Variants in MUC13 observed in about 807,000 individuals in gnomAD.
MUC13 encodes mucin-13.
MUC13 carries 32 observed loss-of-function variants against 48.3 expected under a neutral mutation model. That is an observed-to-expected ratio of 0.66 (90% CI 0.50 to 0.89). The LOEUF (loss-of-function observed/expected upper bound fraction) is 0.89, where lower values mean the gene tolerates loss of function less well. MUC13 is among the 40% of genes least tolerant of loss of function. MUC13 has a pLI of 0.00. For synonymous variants in MUC13, 199 were observed against 224.9 expected, an observed-to-expected ratio of 0.88 and a Z score of 1.03; for missense variants, 571 against 622.8, an observed-to-expected ratio of 0.92 and a Z score of 0.88.
intron 3 of MUC13, 118 bp from the exon 4 acceptor site, chr3:124,922,421 A>G (rs1230235115): frequency 7.8e-7 from 1 of 1,276,544 alleles, no homozygotes; most frequent in African/African-American, 1.5e-5. Flanking sequence ...CACTACAGGA[A>G]ATCTGGAAAT....
In MUC13 at chr3:124,913,377, G is replaced by A. The variant is rs532693289; in HGVS notation, c.1085-137C>T. ...GATGCTTATTGACTCCACACATGAT[G>A]TGCCCCCTGTGAAGCTGGACATGGG... On this transcript the variant is annotated intron_variant, in intron 7 of 11. Coordinates refer to ENST00000616727, the MANE Select transcript of MUC13 (RefSeq NM_033049.4). 3.1e-5 allele frequency: 44 copies of A among 1,437,832 alleles called. No homozygotes were observed. The African/African-American group carries it at 5.8e-4, about 19-fold the overall frequency. 89.1% of individuals were successfully genotyped at this position (1,437,832 alleles called of 1,614,324 possible). A position where few individuals can be genotyped will look rare whatever the true frequency, so the allele number is the denominator to read the frequency against.
chr3:124,915,236 T>C (rs1028316916), intron 6 of MUC13, among the ~76,000 whole-genome samples: 3 of 152,178 alleles, frequency 2.0e-5, no homozygotes, highest in Admixed American at 6.5e-5. Context: ...TTATGGTGGG[T>C]TGACTGCAGT....
Position 124,906,633 on chromosome 3 carries a change from G to A in MUC13, c.*110C>T, listed in dbSNP as rs1034400760. On this transcript the variant is annotated 3_prime_UTR_variant, in exon 12 of 12. Transcript: ENST00000616727. ...AGATGTCAGATGGAAGAAAAACCCC[G>A]GAGGCCAGATCTTTACTGGTGCTCA... 1 of 152,066 alleles carries A rather than the reference G, an allele frequency of 6.6e-6. No individual in the cohort carries two copies. The highest frequency in any genetic ancestry group is 2.4e-5 in the African/African-American group (1 of 41,390). 9.4% of individuals were successfully genotyped at this position (152,066 alleles called of 1,614,324 possible).
intron 10 of MUC13, among the ~76,000 whole-genome samples, chr3:124,909,192 G>A (rs1416279173): frequency 6.6e-6 from 1 of 151,744 alleles, no homozygotes; most frequent in African/African-American, 2.4e-5. Context: ...AAATATTGTA[G>A]GAACCTAAAA....
At chr3:124,923,498 T>C in intron 3 of MUC13, 29 bp downstream of exon 3, 1 of 1,606,062 alleles carries the variant, frequency 6.2e-7, no homozygotes, top group Non-Finnish European at 8.5e-7. Context: ...GATACAGAGC[T>C]CAGCCATGGC....
At chr3:124,922,096 G>C (rs544794315) in intron 4 of MUC13, 101 bp downstream of exon 4, 10 of 1,362,742 alleles carry the variant, frequency 7.3e-6, no homozygotes, top group Non-Finnish European at 9.9e-6. Flanking sequence ...CAACTGGTAC[G>C]ATGGTACGAG....
At chr3:124,932,164 C>T (rs1935810222) in intron 1 of MUC13, among the ~76,000 whole-genome samples, 1 of 152,178 alleles carries the variant, frequency 6.6e-6, no homozygotes, top group South Asian at 2.1e-4. Flanking sequence ...ATTGGATGCT[C>T]AATTTTTATT....
intron 6 of MUC13, among the ~76,000 whole-genome samples, chr3:124,914,587 G>A (rs1262769900): frequency 1.3e-5 from 2 of 152,134 alleles, no homozygotes; most frequent in East Asian, 3.9e-4. Context: ...CTACAATTTT[G>A]GGCAAAGAAA....
At chr3:124,923,084 T>C (rs1390005313) in intron 3 of MUC13, among the ~76,000 whole-genome samples, 1 of 130,922 alleles carries the variant, frequency 7.6e-6, no homozygotes. Context: ...AATGAAGATA[T>C]TTCTCATTCA....
chr3:124,908,084 A>G (rs977293406), intron 11 of MUC13, 63 bp downstream of exon 11: 2 of 1,509,752 alleles, frequency 1.3e-6, no homozygotes, highest in African/African-American at 2.8e-5. Flanking sequence ...TTCAGCAACC[A>G]GGTCTCTGCT....
intron 9 of MUC13, among the ~76,000 whole-genome samples, chr3:124,911,374 G>T (rs996997227): frequency 2.0e-4 from 31 of 152,134 alleles, no homozygotes; most frequent in Admixed American, 1.4e-3. Context: ...AAGTTTGTCT[G>T]GTCCAAACTT....
intron 4 of MUC13, among the ~76,000 whole-genome samples, chr3:124,921,045 T>C (rs1031348033): frequency 6.6e-6 from 1 of 152,238 alleles, no homozygotes; most frequent in Non-Finnish European, 1.5e-5. Flanking sequence ...ATTTCCACGA[T>C]ACATTTTTTA....
chr3:124,906,357 G>C lies in MUC13; in HGVS notation c.*386C>G, dbSNP rs1935318852. 6.6e-6 allele frequency: 1 copy of C among 152,500 alleles called. No homozygotes were observed. Among genetic ancestry groups the C allele is most frequent in the Non-Finnish European group, 1.5e-5 (1 of 68,014 alleles). The allele number at this position is 152,500 out of a possible 1,614,324, so 9.4% of individuals were successfully genotyped here. A position where few individuals can be genotyped will look rare whatever the true frequency, so the allele number is the denominator to read the frequency against. ...GGGAATTAGGTCACTTAACTCAAGA[G>C]CAATGTTTGCCCAGGAGCAAGCAAT... On this transcript the variant is annotated 3_prime_UTR_variant, in exon 12 of 12. Transcript: ENST00000616727.
At chr3:124,914,033 A>C (rs1014391378) in intron 6 of MUC13, among the ~76,000 whole-genome samples, 1 of 152,178 alleles carries the variant, frequency 6.6e-6, no homozygotes, top group African/African-American at 2.4e-5. Context: ...CTGCACTCCA[A>C]CTTGAGCGAG....
chr3:124,931,094 C>T (rs930584252), intron 1 of MUC13, among the ~76,000 whole-genome samples: 2 of 152,178 alleles, frequency 1.3e-5, no homozygotes, highest in Middle Eastern at 3.2e-3. Flanking sequence ...TGATTCCTTA[C>T]ACACACCTCC....
chr3:124,931,762 A>T (rs1935802585), intron 1 of MUC13, among the ~76,000 whole-genome samples: 1 of 149,452 alleles, frequency 6.7e-6, no homozygotes, highest in Admixed American at 6.7e-5. Context: ...AAGTAATATA[A>T]GGCCAGGCGC....
intron 11 of MUC13, among the ~76,000 whole-genome samples, chr3:124,907,630 A>G (rs187067537): frequency 7.0e-6 from 1 of 143,006 alleles, no homozygotes; most frequent in Admixed American, 7.4e-5. Flanking sequence ...AACAACAACA[A>G]CAACAAATAG....
chr3:124,922,230 G>T lies in MUC13; in HGVS notation c.711C>A (p.Ala237=), dbSNP rs761903293. Residue 237 remains alanine (A), a synonymous_variant, in exon 4 of 12, where the codon GCC becomes GCA. Transcript: ENST00000616727. ...TFDPEEKHSM[A]YQDLHSEITS... ...TAATTTCACTATGCAAGTCTTGATA[G>T]GCCATGGAATGTTTCTCTTCTGGGT... is the stretch of plus-strand genomic sequence containing the variant. The T allele has an allele frequency of 6.2e-7, 1 of 1,614,100 alleles. No homozygotes were observed. Among genetic ancestry groups the T allele is most frequent in the East Asian group, 2.2e-5 (1 of 44,878 alleles).
intron 6 of MUC13, 138 bp from the exon 7 acceptor site, chr3:124,913,819 G>A (rs41265731): frequency 0.19 from 162,230 of 861,870 alleles, 16,457 homozygotes; most frequent in South Asian, 0.22. Context: ...GCTCACAACT[G>A]TAATCCCAGC....
Sources: gnomAD v4.1 joint callset for allele counts (sites outside exome capture counted in the v4.1 genomes callset) on GRCh38, gnomAD v4.1.1 for gene constraint, MANE v1.5 for transcripts, NCBI Gene and HGNC (gene_info 2026-07-23, HGNC 2026-07-21) for gene names.